The following NCOA2 variants were observed in gnomAD, a reference collection of about 807,000 sequenced individuals.
The protein encoded by NCOA2 is nuclear receptor coactivator 2, also known as class E basic helix-loop-helix protein 75.
Under a neutral mutation model 145.1 loss-of-function variants are expected in NCOA2, and 21 were observed. The observed-to-expected ratio is 0.14, with a 90% confidence interval of 0.10 to 0.21. The LOEUF is 0.21. NCOA2 is among the 10% of genes least tolerant of loss of function. NCOA2 has a pLI of 1.00. For synonymous variants in NCOA2, 619 were observed against 637.5 expected (o/e 0.97, Z 0.44); for missense variants, 1,472 against 1,837.6 (o/e 0.80, Z 3.64).
intron 4 of NCOA2, among the ~76,000 whole-genome samples, chr8:70,198,727 TG>T (rs1399119528): frequency 6.6e-6 from 1 of 152,184 alleles, no homozygotes; most frequent in African/African-American, 2.4e-5. Flanking sequence ...AGAAGGTGGC[TG>T]GAACTGAGGT....
chr8:70,430,313 A>G, the NCOA2 span, among the ~76,000 whole-genome samples: 22 of 152,214 alleles, frequency 1.4e-4, no homozygotes, highest in Non-Finnish European at 2.6e-4. Flanking sequence ...TGCCCCTTTA[A>G]GGAAAATGGC....
intron 1 of NCOA2, among the ~76,000 whole-genome samples, chr8:70,368,912 T>A (rs1810947982): frequency 6.6e-6 from 1 of 152,252 alleles, no homozygotes; most frequent in Non-Finnish European, 1.5e-5. Context: ...GTAAATCTAT[T>A]CTACAAAAAC....
intron 1 of NCOA2, among the ~76,000 whole-genome samples, chr8:70,343,631 T>C (rs1313734363): frequency 6.6e-6 from 1 of 151,902 alleles, no homozygotes; most frequent in Non-Finnish European, 1.5e-5. Context: ...CTGGCCAACA[T>C]GGTGAAACCC....
intron 1 of NCOA2, among the ~76,000 whole-genome samples, chr8:70,334,943 G>C (rs1015615657): frequency 6.6e-6 from 1 of 151,630 alleles, no homozygotes; most frequent in Non-Finnish European, 1.5e-5. Flanking sequence ...GACCGACACG[G>C]TGAAACCCTA....
intron 2 of NCOA2, among the ~76,000 whole-genome samples, chr8:70,253,501 T>C (rs1823375275): frequency 6.6e-6 from 1 of 152,024 alleles, no homozygotes; most frequent in Admixed American, 6.6e-5. Context: ...TTAGGAAGTG[T>C]GCAATATCAC....
chr8:70,360,126 A>G (rs530701647), intron 1 of NCOA2, among the ~76,000 whole-genome samples: 15 of 152,352 alleles, frequency 9.8e-5, no homozygotes, highest in African/African-American at 3.6e-4. Context: ...AAGCTAATTT[A>G]TAAGTAATCA....
At chr8:70,405,442 T>TTTTTTTTG (rs1243009964), upstream of NCOA2, among the ~76,000 whole-genome samples, 5 of 116,052 alleles carry the variant, frequency 4.3e-5, no homozygotes, top group East Asian at 1.2e-3. Context: ...TAAAGGTTTT[T>TTTTTTTTG]TTTTTTTTTT....
the NCOA2 span, among the ~76,000 whole-genome samples, chr8:70,442,116 G>GAGA: frequency 2.1e-3 from 170 of 82,448 alleles, no homozygotes; most frequent in African/African-American, 5.4e-3. Context: ...GAGAAAGAAA[G>GAGA]AAGAAAGAAA....
intron 4 of NCOA2, among the ~76,000 whole-genome samples, chr8:70,203,254 T>C (rs1818088583): frequency 1.3e-4 from 3 of 22,320 alleles, no homozygotes; most frequent in African/African-American, 4.0e-4. Flanking sequence ...AGAACAAGAC[T>C]CTGTCTCAAA....
the NCOA2 span, among the ~76,000 whole-genome samples, chr8:70,422,513 C>T: frequency 4.6e-5 from 7 of 151,940 alleles, no homozygotes; most frequent in East Asian, 1.9e-4. Context: ...CAGGGTCGAG[C>T]GATCCTCCCA....
At chr8:70,326,937 T>C (rs939633001) in intron 1 of NCOA2, among the ~76,000 whole-genome samples, 8 of 152,182 alleles carry the variant, frequency 5.3e-5, no homozygotes, top group African/African-American at 1.9e-4. Context: ...ACATAACTTA[T>C]CTCCTAGCTT....
intron 9 of NCOA2, 43 bp downstream of exon 9, chr8:70,162,665 CCCA>C: frequency 6.4e-7 from 1 of 1,563,034 alleles, no homozygotes. Flanking sequence ...ACAGAAAGCT[CCCA>C]CAGGAAGCAA....
In NCOA2 at chr8:70,133,200, C is replaced by CCTT. The variant is rs1809352271; in HGVS notation, c.3159-1199_3159-1198insAAG. ...TGTGTGCCACCACAACTGGCTGCTA[C>CCTT]TTTTTTTTTTTTTTTTTTTTGGTAA... On this transcript the variant is annotated intron_variant, in intron 15 of 22. Coordinates refer to ENST00000452400, the MANE Select transcript of NCOA2 (RefSeq NM_006540.4). Among the ~76,000 whole-genome samples, 8 of 106,972 alleles carry CCTT rather than the reference C, an allele frequency of 7.5e-5. No homozygotes were observed. In the South Asian group the frequency reaches 2.8e-3, roughly 38 times the overall value. 70.2% of individuals were successfully genotyped at this position (106,972 alleles called of 152,430 possible). A position where few individuals can be genotyped will look rare whatever the true frequency, so the allele number is the denominator to read the frequency against.
At chr8:70,137,954 T>C (rs1809930428) in intron 15 of NCOA2, 2 of 313,668 alleles carry the variant, frequency 6.4e-6, no homozygotes, top group South Asian at 1.5e-4. Context: ...ATGATTTTTA[T>C]ACCACACACT....
At position 70,113,341 on chromosome 8, in the gene NCOA2, T is replaced by G. The variant is rs1429410769; in HGVS notation, c.*291A>C. The G allele has an allele frequency of 2.0e-6, 1 of 504,438 alleles. No individual in the cohort carries two copies. The highest frequency in any genetic ancestry group is 2.9e-5 in the East Asian group (1 of 34,108). The allele number at this position is 504,438 out of a possible 1,614,324, so 31.2% of individuals were successfully genotyped here. A position where few individuals can be genotyped will look rare whatever the true frequency, so the allele number is the denominator to read the frequency against. On this transcript the variant is annotated 3_prime_UTR_variant, in exon 23 of 23. Coordinates refer to ENST00000452400, the MANE Select transcript of NCOA2 (RefSeq NM_006540.4). The stretch of plus-strand genomic sequence containing the variant: ...TTCAATCTGACATGGGTATGAAATT[T>G]GCCTGTCAACATTTACTTTTGCAGG...
intron 1 of NCOA2, among the ~76,000 whole-genome samples, chr8:70,352,418 G>C (rs1030316088): frequency 6.6e-6 from 1 of 152,152 alleles, no homozygotes; most frequent in Non-Finnish European, 1.5e-5. Context: ...AGTCCCCACA[G>C]ACCCAAGAAG....
intron 4 of NCOA2, among the ~76,000 whole-genome samples, chr8:70,191,979 C>G (rs1222191769): frequency 2.0e-5 from 3 of 152,046 alleles, no homozygotes; most frequent in Non-Finnish European, 4.4e-5. Context: ...GAGGCAGAGG[C>G]TGCAGTGAGC....
chr8:70,327,998 G>C (rs1006117708), intron 1 of NCOA2, among the ~76,000 whole-genome samples: 1 of 152,102 alleles, frequency 6.6e-6, no homozygotes, highest in Non-Finnish European at 1.5e-5. Context: ...GTACCAGTGT[G>C]GCCACACTTA....
chr8:70,298,553 A>G (rs777993693), intron 1 of NCOA2, among the ~76,000 whole-genome samples: 1 of 152,246 alleles, frequency 6.6e-6, no homozygotes, highest in Admixed American at 6.5e-5. Flanking sequence ...ACTGGGATAA[A>G]TGTATTCATT....
Sources: allele counts gnomAD v4.1 joint callset (sites outside exome capture counted in the v4.1 genomes callset), GRCh38; gene constraint gnomAD v4.1.1; transcripts MANE v1.5; gene names NCBI Gene and HGNC (gene_info 2026-07-23, HGNC 2026-07-21).